The following TLN2 variants were observed in gnomAD, a reference collection of about 807,000 sequenced individuals.
TLN2 encodes talin 2.
Under a neutral mutation model 294.7 loss-of-function variants are expected in TLN2, and 118 were observed. That is an observed-to-expected ratio of 0.40 (90% CI 0.34 to 0.47). The LOEUF is 0.47. Ranked by LOEUF, TLN2 falls within the 20% of genes least tolerant of loss-of-function variation. The pLI, the probability that TLN2 is intolerant of heterozygous loss-of-function variation, is 0.84. For missense variants in TLN2, 3,083 were observed against 3,282.2 expected (o/e 0.94, Z 1.48); for synonymous variants, 1,431 against 1,304.5 (o/e 1.10, Z -2.09).
rs554839999 is a variant in TLN2 at position 62,725,023 on chromosome 15, G to A, written c.3174G>A (p.Thr1058=). 8 of 1,613,512 alleles carry A rather than the reference G, an allele frequency of 5.0e-6. No homozygotes were observed. The highest frequency in any genetic ancestry group is 4.5e-5 in the East Asian group (2 of 44,876). ...GPMEIDSALN[T]VQTLKNELQD... The stretch of plus-strand genomic sequence containing the variant: ...TGGAAATCGATTCAGCTCTGAATAC[G>A]GTGCAGACGCTTAAGAATGAACTGC... Residue 1058 remains threonine (T), a synonymous_variant, in exon 27 of 59, where the codon ACG becomes ACA. Coordinates refer to ENST00000636159, the MANE Select transcript of TLN2 (RefSeq NM_015059.3).
At chr15:62,753,944 C>A (rs1279745013) in intron 36 of TLN2, 28 bp downstream of exon 36, 4 of 1,550,274 alleles carry the variant, frequency 2.6e-6, no homozygotes, top group South Asian at 2.5e-5. Flanking sequence ...TGTAAGATTT[C>A]AAGCCCTTAA....
At chr15:62,683,739 T>G (rs893467530) in intron 11 of TLN2, among the ~76,000 whole-genome samples, 1 of 152,216 alleles carries the variant, frequency 6.6e-6, no homozygotes, top group East Asian at 1.9e-4. Context: ...TAGATGGGTC[T>G]TCACTGGTGC....
intron 2 of TLN2, among the ~76,000 whole-genome samples, chr15:62,592,063 GCTTT>G: frequency 6.6e-6 from 1 of 152,262 alleles, no homozygotes; most frequent in East Asian, 1.9e-4. Context: ...GGAAAACTGT[GCTTT>G]CTGTTTACTT....
intron 54 of TLN2, chr15:62,830,336 C>A (rs552339701): frequency 2.0e-5 from 3 of 152,828 alleles, no homozygotes; most frequent in South Asian, 4.1e-4. Flanking sequence ...CCTGCAGATT[C>A]TTCCCCGGAG....
intron 45 of TLN2, chr15:62,784,980 A>G (rs1392045165): frequency 6.6e-6 from 1 of 152,202 alleles, no homozygotes. Flanking sequence ...TGAAGTCCCA[A>G]AACAAATCAC....
At chr15:62,612,449 G>T (rs999608633) in intron 2 of TLN2, among the ~76,000 whole-genome samples, 1 of 152,126 alleles carries the variant, frequency 6.6e-6, no homozygotes, top group Non-Finnish European at 1.5e-5. Flanking sequence ...CTGCAAATTT[G>T]CCCTCTGTTT....
Position 62,781,146 on chromosome 15 carries a change from G to T in TLN2, c.5521G>T (p.Glu1841Ter). ...AIAEAMSKLD[E>*]GTPPEPKGTF... is the part of the protein sequence containing the mutation. ...CTTTTCCTCTCCTCTGTAGCTGGAT[G>T]AAGGCACTCCTCCAGAACCAAAGGG... is the stretch of plus-strand genomic sequence containing the variant. The change falls in exon 44 of 59, where the codon GAA becomes TAA. Residue 1841 changes from glutamate to a stop codon, truncating the protein, a stop_gained. Transcript: ENST00000636159. LOFTEE classifies it high-confidence loss of function. 6.2e-7 allele frequency: 1 copy of T among 1,613,892 alleles called. No homozygotes were observed. Among genetic ancestry groups the T allele is most frequent in the Non-Finnish European group, 8.5e-7 (1 of 1,179,746 alleles).
chr15:62,811,211 A>T (rs932500214), intron 52 of TLN2, among the ~76,000 whole-genome samples: 2 of 152,258 alleles, frequency 1.3e-5, no homozygotes, highest in African/African-American at 4.8e-5. Flanking sequence ...ACTGTGGTCA[A>T]TTCTGAAGTG....
intron 12 of TLN2, chr15:62,687,709 C>T (rs2057402651): frequency 6.6e-6 from 1 of 151,906 alleles, no homozygotes; most frequent in Admixed American, 6.6e-5. Flanking sequence ...AATAGGACAT[C>T]AGAAAAAAAA....
chr15:62,476,061 C>G (rs1016015517), intron 1 of TLN2, among the ~76,000 whole-genome samples: 1 of 152,184 alleles, frequency 6.6e-6, no homozygotes, highest in Non-Finnish European at 1.5e-5. Context: ...CCCTTGGCAG[C>G]CATATGACTG....
At chr15:62,821,098 T>C (rs1278807265) in intron 54 of TLN2, among the ~76,000 whole-genome samples, 2 of 152,244 alleles carry the variant, frequency 1.3e-5, no homozygotes, top group African/African-American at 4.8e-5. Flanking sequence ...TCTGTGTTTG[T>C]CATGTAGATA....
At chr15:62,619,929 C>G (rs1333108557) in intron 3 of TLN2, among the ~76,000 whole-genome samples, 2 of 152,156 alleles carry the variant, frequency 1.3e-5, no homozygotes, top group African/African-American at 4.8e-5. Context: ...GATTGAAGGT[C>G]TATCTCCCAT....
At position 62,702,171 on chromosome 15, in the gene TLN2, C is replaced by T; in HGVS notation, c.1876C>T (p.Leu626=). The T allele has an allele frequency of 6.2e-7, 1 of 1,608,340 alleles. No homozygotes were observed. The highest frequency in any genetic ancestry group is 8.5e-7 in the Non-Finnish European group (1 of 1,177,166). Residue 626 remains leucine, a synonymous_variant, in exon 18 of 59, where the codon CTG becomes TTG. Coordinates refer to ENST00000636159, the MANE Select transcript of TLN2 (RefSeq NM_015059.3). Reference sequence around the variant, plus strand: ...CCTCGCTGGGGCGGTGTCAGACTTGCTGAAAGCTGTGCAGCCTACTTCTGG... The same window carrying T: ...CCTCGCTGGGGCGGTGTCAGACTTGTTGAAAGCTGTGCAGCCTACTTCTGG... ...RTLAGAVSDL[L]KAVQPTSGEP...
chr15:62,692,755 A>T, intron 12 of TLN2, 85 bp from the exon 13 acceptor site: 2 of 987,748 alleles, frequency 2.0e-6, no homozygotes, highest in South Asian at 1.4e-5. Flanking sequence ...AGTCTATGTC[A>T]TATTGTTCTA....
At chr15:62,783,985 C>T (rs751776013) in intron 45 of TLN2, 95 bp downstream of exon 45, 78 of 1,573,352 alleles carry the variant, frequency 5.0e-5, no homozygotes, top group Non-Finnish European at 6.3e-5. Context: ...TCTGGAAGAC[C>T]CCAGCCCAGT....
intron 1 of TLN2, among the ~76,000 whole-genome samples, chr15:62,411,884 G>A (rs2033800472): frequency 6.6e-6 from 1 of 152,226 alleles, no homozygotes; most frequent in African/African-American, 2.4e-5. Context: ...CCCACGGGTT[G>A]TGTGGGAACT....
intron 51 of TLN2, among the ~76,000 whole-genome samples, chr15:62,808,691 A>C (rs1347931308): frequency 1.3e-5 from 2 of 152,140 alleles, no homozygotes; most frequent in Admixed American, 6.5e-5. Context: ...GTGGTGTCTC[A>C]TCAAACAGAC....
At chr15:62,477,809 C>G (rs2037856767) in intron 1 of TLN2, among the ~76,000 whole-genome samples, 1 of 150,416 alleles carries the variant, frequency 6.6e-6, no homozygotes, top group Admixed American at 6.7e-5. Context: ...AGGTCAGATG[C>G]AGGGCACTGC....
At chr15:62,430,324 T>C (rs986199367) in intron 1 of TLN2, among the ~76,000 whole-genome samples, 2 of 152,228 alleles carry the variant, frequency 1.3e-5, no homozygotes, top group African/African-American at 2.4e-5. Flanking sequence ...ATCTGTCTTA[T>C]TGGGCCAATC....
Sources: gnomAD v4.1 joint callset for allele counts (sites outside exome capture counted in the v4.1 genomes callset) on GRCh38, gnomAD v4.1.1 for gene constraint, MANE v1.5 for transcripts, NCBI Gene and HGNC (gene_info 2026-07-23, HGNC 2026-07-21) for gene names.